Variants in MAML3 observed in about 807,000 individuals in gnomAD.
MAML3 encodes the protein mastermind like transcriptional coactivator 3, also known as mastermind-like protein 3.
Under a neutral mutation model 101.9 loss-of-function variants are expected in MAML3, and 27 were observed. The observed-to-expected ratio is 0.27, with a 90% CI of 0.20 to 0.37. The LOEUF is 0.37. MAML3 is among the 10% of genes least tolerant of loss of function. The pLI is 1.00. For missense variants in MAML3, 1,316 were observed against 1,444.9 expected, an observed-to-expected ratio of 0.91 and a Z score of 1.45; for synonymous variants, 501 against 555.9, an observed-to-expected ratio of 0.90 and a Z score of 1.39.
chr4:140,024,245 A>C (rs1221984986), intron 1 of MAML3, among the ~76,000 whole-genome samples: 1 of 144,924 alleles, frequency 6.9e-6, no homozygotes, highest in African/African-American at 2.6e-5. Context: ...TTTTTTTTTT[A>C]GAGACAGTGT....
intron 2 of MAML3, among the ~76,000 whole-genome samples, chr4:139,756,787 C>T (rs914076897): frequency 3.3e-5 from 5 of 152,134 alleles, no homozygotes; most frequent in African/African-American, 1.2e-4. Context: ...ACAATATTTT[C>T]GAGAACTAAA....
intron 1 of MAML3, among the ~76,000 whole-genome samples, chr4:140,123,792 A>AT (rs1239299014): frequency 1.3e-5 from 2 of 152,202 alleles, no homozygotes; most frequent in Non-Finnish European, 2.9e-5. Context: ...TAGACTCTGA[A>AT]TAATAAAATG....
chr4:139,858,413 C>A (rs1416127007), intron 2 of MAML3, among the ~76,000 whole-genome samples: 1 of 149,260 alleles, frequency 6.7e-6, no homozygotes, highest in Non-Finnish European at 1.5e-5. Context: ...CAATTTTGAC[C>A]AGAACAGAAC....
At chr4:140,037,088 G>T (rs185442847) in intron 1 of MAML3, among the ~76,000 whole-genome samples, 3 of 151,866 alleles carry the variant, frequency 2.0e-5, no homozygotes, top group African/African-American at 7.2e-5. Context: ...TAATTCACTG[G>T]TATCTTTTAG....
chr4:140,060,381 A>AAAAAAAAAAAAAAAAAAAAAAAAT (rs1560880622), intron 1 of MAML3, among the ~76,000 whole-genome samples: 1 of 148,320 alleles, frequency 6.7e-6, no homozygotes, highest in East Asian at 1.9e-4. Flanking sequence ...AAAAAAAAAA[A>AAAAAAAAAAAAAAAAAAAAAAAAT]AAAAGTCACA....
intron 2 of MAML3, among the ~76,000 whole-genome samples, chr4:139,837,694 C>T (rs566703505): frequency 3.9e-5 from 6 of 152,176 alleles, no homozygotes; most frequent in African/African-American, 7.2e-5. Flanking sequence ...CCGAGGCAGG[C>T]GGATCACCTG....
At chr4:139,894,112 G>T (rs1189019056) in intron 1 of MAML3, among the ~76,000 whole-genome samples, 1 of 152,162 alleles carries the variant, frequency 6.6e-6, no homozygotes, top group Non-Finnish European at 1.5e-5. Flanking sequence ...AAACTGCCAG[G>T]CCTCTAGAGG....
rs370440205 is a variant in MAML3 at position 139,720,161 on chromosome 4, G to C, written c.2579C>G (p.Pro860Arg). ...TTGGCTGGTAGGCGTGGTGCTATAA[G>C]GGGCCAGTCCCATCTCCGACTGCGC... The part of the protein sequence containing the change: ...AAAQSEMGLA[P>R]YSTTPTSQPG... Residue 860 changes from proline to arginine, a missense_variant, in exon 5 of 5, where the codon CCT (proline) becomes CGT (arginine). Physicochemically the swap from Pro to Arg is moderately radical, Grantham distance 103. Coordinates refer to ENST00000509479, the MANE Select transcript of MAML3 (RefSeq NM_018717.5). The C allele has an allele frequency of 4.7e-5, 76 of 1,614,084 alleles. No individual in the cohort carries two copies. The African/African-American group carries it at 9.1e-4, about 19-fold the overall frequency.
At chr4:140,029,894 T>C (rs1333781066) in intron 1 of MAML3, among the ~76,000 whole-genome samples, 1 of 152,202 alleles carries the variant, frequency 6.6e-6, no homozygotes, top group African/African-American at 2.4e-5. Context: ...TTGAGGAGGA[T>C]TCTGCTTGGT....
intron 1 of MAML3, among the ~76,000 whole-genome samples, chr4:140,070,078 T>C (rs1727621183): frequency 6.6e-6 from 1 of 151,926 alleles, no homozygotes; most frequent in Non-Finnish European, 1.5e-5. Flanking sequence ...ATCACACCAC[T>C]GCACTCCAGG....
At chr4:140,080,909 C>T (rs959039702) in intron 1 of MAML3, among the ~76,000 whole-genome samples, 2 of 152,052 alleles carry the variant, frequency 1.3e-5, no homozygotes, top group Non-Finnish European at 2.9e-5. Context: ...ATTGAGCAGG[C>T]GTCTATATAG....
chr4:140,058,831 A>G (rs957948696), intron 1 of MAML3, among the ~76,000 whole-genome samples: 1 of 152,200 alleles, frequency 6.6e-6, no homozygotes, highest in Admixed American at 6.5e-5. Context: ...TATTGGCCCA[A>G]TAAGAAATCC....
chr4:139,881,768 C>T (rs1383266136), intron 2 of MAML3, among the ~76,000 whole-genome samples: 3 of 152,338 alleles, frequency 2.0e-5, no homozygotes, highest in East Asian at 3.9e-4. Context: ...GTGGTGCGAT[C>T]TCCGCTCACT....
At chr4:140,120,687 C>A (rs1728593240) in intron 1 of MAML3, among the ~76,000 whole-genome samples, 1 of 151,590 alleles carries the variant, frequency 6.6e-6, no homozygotes, top group South Asian at 2.1e-4. Flanking sequence ...TCTCCTTAAT[C>A]TTTTTTTTTC....
intron 1 of MAML3, among the ~76,000 whole-genome samples, chr4:140,084,456 C>T (rs1302692853): frequency 1.3e-5 from 2 of 152,200 alleles, no homozygotes; most frequent in African/African-American, 4.8e-5. Flanking sequence ...GCAGGCTCCT[C>T]AAAGACAACA....
At chr4:139,843,039 C>A (rs1731390099) in intron 2 of MAML3, among the ~76,000 whole-genome samples, 1 of 152,000 alleles carries the variant, frequency 6.6e-6, no homozygotes, top group Admixed American at 6.6e-5. Flanking sequence ...CCACAGCCTC[C>A]CAAAGTGCTG....
At chr4:139,892,830 C>A (rs1732529871) in intron 1 of MAML3, among the ~76,000 whole-genome samples, 1 of 150,314 alleles carries the variant, frequency 6.7e-6, no homozygotes, top group Admixed American at 6.7e-5. Context: ...ACTTGAGAGG[C>A]TGAGGCAGGA....
In MAML3 at chr4:140,040,568, T is replaced by C. The variant is rs115332501; in HGVS notation, c.468+112292A>G. ...TTGGGCGCCACACTAAAATATTACA[T>C]TCAACAGAAATTAGAAACTTCAAAG... is the stretch of plus-strand genomic sequence containing the variant. On this transcript the variant is annotated intron_variant, in intron 1 of 4. Coordinates refer to ENST00000509479, the MANE Select transcript of MAML3 (RefSeq NM_018717.5). Among the ~76,000 whole-genome samples the C allele has an allele frequency of 4.7e-3, 712 of 152,296 alleles. 5 individuals carry two copies. Among genetic ancestry groups the C allele is most frequent in the African/African-American group, 0.015 (616 of 41,554 alleles).
chr4:139,938,333 G>A (rs546212253), intron 1 of MAML3, among the ~76,000 whole-genome samples: 4 of 152,224 alleles, frequency 2.6e-5, no homozygotes, highest in South Asian at 4.1e-4. Flanking sequence ...GACTCCATCC[G>A]TTTACAGAAA....
Sources: gnomAD v4.1 joint callset for allele counts (sites outside exome capture counted in the v4.1 genomes callset) on GRCh38, gnomAD v4.1.1 for gene constraint, MANE v1.5 for transcripts, NCBI Gene and HGNC (gene_info 2026-07-23, HGNC 2026-07-21) for gene names.